Variants in PON2 observed in about 807,000 individuals in gnomAD.
PON2 encodes the protein serum paraoxonase/arylesterase 2.
PON2 carries 27 observed loss-of-function variants against 36.6 expected under a neutral mutation model. The ratio of observed to expected loss-of-function variants is 0.74; its 90% confidence interval spans 0.54 to 1.02. The LOEUF is 1.02. Ranked by LOEUF, PON2 falls within the 50% of genes least tolerant of loss-of-function variation. PON2 has a pLI of 0.00. For synonymous variants in PON2, 149 were observed against 156.3 expected, an observed-to-expected ratio of 0.95 and a Z score of 0.35; for missense variants, 363 against 421.1, an observed-to-expected ratio of 0.86 and a Z score of 1.21.
At position 95,434,838 on chromosome 7, in the gene PON2, T is replaced by A. The variant is rs984231150; in HGVS notation, c.74+40A>T. On this transcript the variant is annotated intron_variant, in intron 1 of 8. Coordinates refer to ENST00000222572, the MANE Select transcript of PON2 (RefSeq NM_000305.3). ...CCGCACCACGCGGCCACCCCGAGCC[T>A]GGGGACCGCCGAGGAGGGGCGCGCG... The A allele has an allele frequency of 5.9e-6, 9 of 1,531,556 alleles. No homozygotes were observed. In the African/African-American group the frequency reaches 8.4e-5, roughly 14 times the overall value. The allele number at this position is 1,531,556 out of a possible 1,614,324, so 94.9% of individuals were successfully genotyped here.
At chr7:95,417,424 G>A (rs534945041) in intron 2 of PON2, among the ~76,000 whole-genome samples, 1 of 152,082 alleles carries the variant, frequency 6.6e-6, no homozygotes, top group Admixed American at 6.6e-5. Flanking sequence ...GGGGTCTGTG[G>A]ATCACTTTTG....
intron 1 of PON2, among the ~76,000 whole-genome samples, chr7:95,429,788 T>C (rs1789396098): frequency 6.6e-6 from 1 of 152,214 alleles, no homozygotes; most frequent in East Asian, 1.9e-4. Flanking sequence ...TTATCTTTTA[T>C]GTATAGCCTT....
At position 95,434,425 on chromosome 7, in the gene PON2, G is replaced by C. The variant is rs559510803; in HGVS notation, c.74+453C>G. 8 of 168,206 alleles carry C rather than the reference G, an allele frequency of 4.8e-5. No individual in the cohort carries two copies. The South Asian group carries it at 1.3e-3, about 27-fold the overall frequency. 10.4% of individuals were successfully genotyped at this position (168,206 alleles called of 1,614,324 possible). On this transcript the variant is annotated intron_variant, in intron 1 of 8. Coordinates refer to ENST00000222572, the MANE Select transcript of PON2 (RefSeq NM_000305.3). ...GAGTTTCTCAAACTATGCAGAAATG[G>C]GTGGAGAACAACTTTATTAAAGACG...
intron 3 of PON2, chr7:95,415,958 A>AT: frequency 6.0e-6 from 3 of 498,280 alleles, no homozygotes; most frequent in Non-Finnish European, 1.0e-5. Context: ...GTCTCAAAAA[A>AT]TAAAAAAAAT....
At chr7:95,434,802 C>T in intron 1 of PON2, 76 bp downstream of exon 1, 1 of 1,486,992 alleles carries the variant, frequency 6.7e-7, no homozygotes, top group Non-Finnish European at 9.0e-7. Context: ...CTCCCCCAGC[C>T]TGCGCCCTCC....
At chr7:95,420,639 G>A (rs942236089) in intron 2 of PON2, among the ~76,000 whole-genome samples, 22 of 152,198 alleles carry the variant, frequency 1.4e-4, no homozygotes, top group African/African-American at 4.8e-4. Flanking sequence ...CAGTGATGGT[G>A]ACTGAAGCAC....
intron 2 of PON2, among the ~76,000 whole-genome samples, chr7:95,421,980 A>G (rs899153113): frequency 1.3e-5 from 2 of 152,234 alleles, no homozygotes; most frequent in Non-Finnish European, 2.9e-5. Context: ...ATTGAGAGCA[A>G]CTTAGCAATG....
At chr7:95,410,134 A>C in intron 5 of PON2, 33 bp from the exon 6 acceptor site, 1 of 1,537,580 alleles carries the variant, frequency 6.5e-7, no homozygotes, top group Non-Finnish European at 9.0e-7. Context: ...GAGAGGAAAC[A>C]AAAGGCCTGT....
intron 2 of PON2, 163 bp from the exon 3 acceptor site, chr7:95,416,460 C>T (rs1265025651): frequency 1.3e-6 from 1 of 774,174 alleles, no homozygotes; most frequent in East Asian, 2.7e-5. Flanking sequence ...TCAGTTTAAA[C>T]CCCTTCCTGA....
At chr7:95,422,416 C>A (rs534356091) in intron 2 of PON2, among the ~76,000 whole-genome samples, 10 of 152,146 alleles carry the variant, frequency 6.6e-5, no homozygotes, top group African/African-American at 2.2e-4. Flanking sequence ...ATTTACTTTC[C>A]ATTTTATATC....
chr7:95,414,560 A>T (rs937543252), intron 3 of PON2, among the ~76,000 whole-genome samples: 2 of 152,170 alleles, frequency 1.3e-5, no homozygotes, highest in Admixed American at 1.3e-4. Flanking sequence ...GGGGCTGGAG[A>T]GAAATCTTGA....
At chr7:95,419,211 T>G (rs1341359753) in intron 2 of PON2, among the ~76,000 whole-genome samples, 1 of 152,192 alleles carries the variant, frequency 6.6e-6, no homozygotes, top group African/African-American at 2.4e-5. Flanking sequence ...GTGCCTCTTA[T>G]TTCTTTAAGT....
At chr7:95,411,878 T>C (rs1019639772) in intron 4 of PON2, 99 bp from the exon 5 acceptor site, 11 of 1,292,754 alleles carry the variant, frequency 8.5e-6, no homozygotes, top group South Asian at 4.9e-5. Flanking sequence ...AAAGGTTGAA[T>C]GTATAAGCTG....
chr7:95,422,277 GA>G (rs1240828166), intron 2 of PON2, among the ~76,000 whole-genome samples: 2 of 151,964 alleles, frequency 1.3e-5, no homozygotes, highest in Admixed American at 6.5e-5. Context: ...TTCTATTTGT[GA>G]AAAAAAGAGT....
intron 6 of PON2, among the ~76,000 whole-genome samples, chr7:95,407,817 C>T (rs913735177): frequency 6.6e-6 from 1 of 152,108 alleles, no homozygotes; most frequent in Admixed American, 6.6e-5. Flanking sequence ...TAGCTAACTT[C>T]CGAGGACACA....
intron 1 of PON2, among the ~76,000 whole-genome samples, chr7:95,433,603 TG>T (rs1682924307): frequency 7.4e-6 from 1 of 135,526 alleles, no homozygotes; most frequent in Admixed American, 7.6e-5. Flanking sequence ...CCTATGAAAG[TG>T]GGGCCCCATT....
At chr7:95,410,136 A>C in intron 5 of PON2, 35 bp from the exon 6 acceptor site, 4 of 1,525,130 alleles carry the variant, frequency 2.6e-6, no homozygotes, top group Non-Finnish European at 3.6e-6. Flanking sequence ...GAGGAAACAA[A>C]AGGCCTGTTG....
chr7:95,427,616 G>T (rs1420542695), intron 1 of PON2, among the ~76,000 whole-genome samples: 6 of 152,112 alleles, frequency 3.9e-5, no homozygotes, highest in Admixed American at 3.9e-4. Flanking sequence ...GGAGATCAAA[G>T]AATGAAAATA....
intron 1 of PON2, among the ~76,000 whole-genome samples, chr7:95,429,624 G>T (rs1489272295): frequency 6.6e-6 from 1 of 152,198 alleles, no homozygotes; most frequent in East Asian, 1.9e-4. Context: ...CAGTAAGGGT[G>T]TACCATGCTA....
Sources: gnomAD v4.1 joint callset for allele counts (sites outside exome capture counted in the v4.1 genomes callset) on GRCh38, gnomAD v4.1.1 for gene constraint, MANE v1.5 for transcripts, NCBI Gene and HGNC (gene_info 2026-07-23, HGNC 2026-07-21) for gene names.